PPP2R2B: variants seen among roughly 807,000 people sequenced by gnomAD.
PPP2R2B encodes serine/threonine-protein phosphatase 2A 55 kDa regulatory subunit B beta isoform.
PPP2R2B carries 5 observed loss-of-function variants against 46.0 expected under a neutral mutation model. The ratio of observed to expected loss-of-function variants is 0.11; its 90% CI spans 0.06 to 0.23. The LOEUF (loss-of-function observed/expected upper bound fraction) is 0.23. Among genes scored for constraint, PPP2R2B ranks in the 10% least tolerant of loss-of-function variants. PPP2R2B has a pLI of 1.00. For missense variants in PPP2R2B, 367 were observed against 575.0 expected, an observed-to-expected ratio of 0.64 and a Z score of 3.70; for synonymous variants, 215 against 206.7, an observed-to-expected ratio of 1.04 and a Z score of -0.34.
intron 1 of PPP2R2B, among the ~76,000 whole-genome samples, chr5:146,986,328 C>T (rs985983597): frequency 6.6e-6 from 1 of 152,096 alleles, no homozygotes; most frequent in African/African-American, 2.4e-5. Context: ...GGCCAATGTC[C>T]ACAGAGGGTG....
At chr5:146,642,437 A>G (rs17514534) in intron 6 of PPP2R2B, among the ~76,000 whole-genome samples, 3,110 of 152,328 alleles carry the variant, frequency 0.02, 51 homozygotes, top group Admixed American at 0.062. Context: ...TATGAAAACA[A>G]AAGTCCAGCA....
chr5:146,804,452 T>A (rs1757051710), intron 2 of PPP2R2B, among the ~76,000 whole-genome samples: 2 of 152,104 alleles, frequency 1.3e-5, no homozygotes, highest in African/African-American at 4.8e-5. Flanking sequence ...GCCTGCCCTC[T>A]CCCCTCCATC....
intron 1 of PPP2R2B, among the ~76,000 whole-genome samples, chr5:146,903,196 TTTA>T (rs1380049232): frequency 1.3e-5 from 2 of 152,102 alleles, no homozygotes; most frequent in African/African-American, 4.8e-5. Flanking sequence ...ATGTAATGAG[TTTA>T]TTATTGTTAT....
At chr5:146,714,902 C>T (rs1472717983) in intron 2 of PPP2R2B, among the ~76,000 whole-genome samples, 1 of 152,068 alleles carries the variant, frequency 6.6e-6, no homozygotes, top group African/African-American at 2.4e-5. Context: ...CCCTTCCCTT[C>T]TCCTTTTGAA....
At chr5:146,813,067 G>A (rs1757725048) in intron 2 of PPP2R2B, among the ~76,000 whole-genome samples, 1 of 149,874 alleles carries the variant, frequency 6.7e-6, no homozygotes, top group African/African-American at 2.5e-5. Context: ...CACATCTGGT[G>A]AATCATCCAG....
At chr5:146,752,482 C>A (rs1472931725) in intron 2 of PPP2R2B, among the ~76,000 whole-genome samples, 3 of 152,158 alleles carry the variant, frequency 2.0e-5, no homozygotes, top group African/African-American at 7.2e-5. Flanking sequence ...TTATTTGACT[C>A]ATTTATCATC....
intron 2 of PPP2R2B, among the ~76,000 whole-genome samples, chr5:146,725,269 G>T (rs992710332): frequency 2.6e-5 from 4 of 152,086 alleles, no homozygotes; most frequent in Non-Finnish European, 1.5e-5. Context: ...TTGCTTTCAT[G>T]CTAAATATAT....
intron 5 of PPP2R2B, among the ~76,000 whole-genome samples, chr5:146,673,847 A>C (rs1250262330): frequency 1.3e-5 from 2 of 152,178 alleles, no homozygotes; most frequent in Admixed American, 6.5e-5. Context: ...TATCCACAGA[A>C]TCTCAAACTG....
chr5:146,975,157 C>T (rs546163022), intron 1 of PPP2R2B, among the ~76,000 whole-genome samples: 1 of 152,162 alleles, frequency 6.6e-6, no homozygotes. Context: ...CACTAAACAA[C>T]TCTCCATTGC....
At position 146,978,103 on chromosome 5, in the gene PPP2R2B, G is replaced by T. The variant is rs150868635; in HGVS notation, c.79+77562C>A. Among the ~76,000 whole-genome samples, 6 of 152,196 alleles carry T rather than the reference G, an allele frequency of 3.9e-5. No homozygotes were observed. In the East Asian group the frequency reaches 1.2e-3, roughly 29 times the overall value. ...TGAGATGGTACCTCATTCTGGTTTC[G>T]GTTTGCACTTCTCTAATGACCAGTG... On this transcript the variant is annotated intron_variant, in intron 1 of 8. Coordinates refer to the PPP2R2B transcript ENST00000336640.
At chr5:147,081,033 G>A (rs577450981) in intron 2 of PPP2R2B, 2 of 1,527,866 alleles carry the variant, frequency 1.3e-6, no homozygotes, top group African/African-American at 1.4e-5. Flanking sequence ...AGGAGGCAAG[G>A]AAAAGGGCAT....
At chr5:147,023,460 G>T (rs941117103) in intron 1 of PPP2R2B, among the ~76,000 whole-genome samples, 6 of 152,084 alleles carry the variant, frequency 3.9e-5, no homozygotes, top group Non-Finnish European at 7.4e-5. Context: ...GGATAAAAAT[G>T]CAAGACCCAA....
intron 6 of PPP2R2B, 36 bp from the exon 7 acceptor site, chr5:146,638,451 G>A (rs1774967730): frequency 1.3e-6 from 2 of 1,542,528 alleles, no homozygotes; most frequent in South Asian, 2.4e-5. Context: ...ACCAGGAGAA[G>A]GAGGCAGGAA....
At chr5:146,803,942 C>T (rs556792662) in intron 2 of PPP2R2B, among the ~76,000 whole-genome samples, 6 of 152,064 alleles carry the variant, frequency 3.9e-5, no homozygotes, top group South Asian at 2.1e-4. Flanking sequence ...CCGAGGCAGG[C>T]AGATCACAAG....
chr5:147,062,996 G>GAGAA (rs1554090005), intron 2 of PPP2R2B, among the ~76,000 whole-genome samples: 764 of 64,968 alleles, frequency 0.012, 60 homozygotes, highest in Admixed American at 0.025. Context: ...GGGAGGGAGG[G>GAGAA]AGGGGGGAAG....
intron 7 of PPP2R2B, among the ~76,000 whole-genome samples, chr5:146,630,184 G>C (rs1306465490): frequency 6.6e-6 from 1 of 152,072 alleles, no homozygotes; most frequent in African/African-American, 2.4e-5. Flanking sequence ...TCTATTCTTT[G>C]AACACACAAG....
intron 1 of PPP2R2B, among the ~76,000 whole-genome samples, chr5:146,945,870 C>T (rs1764463938): frequency 6.6e-6 from 1 of 152,118 alleles, no homozygotes; most frequent in South Asian, 2.1e-4. Context: ...CGTGTCAGAT[C>T]TTTCTAATAG....
At chr5:146,785,996 T>G (rs1755815349) in intron 2 of PPP2R2B, among the ~76,000 whole-genome samples, 2 of 152,132 alleles carry the variant, frequency 1.3e-5, no homozygotes, top group Admixed American at 6.5e-5. Context: ...TATCAATAAT[T>G]TGTTATATAT....
intron 1 of PPP2R2B, among the ~76,000 whole-genome samples, chr5:147,053,394 G>A (rs964983772): frequency 1.3e-5 from 2 of 152,116 alleles, no homozygotes; most frequent in African/African-American, 4.8e-5. Context: ...CTCTTAAGGA[G>A]ATTGTTTGGG....
Sources: gnomAD v4.1 joint callset for allele counts (sites outside exome capture counted in the v4.1 genomes callset) on GRCh38, gnomAD v4.1.1 for gene constraint, MANE v1.5 for transcripts, NCBI Gene and HGNC (gene_info 2026-07-23, HGNC 2026-07-21) for gene names.